Variants in PDE3B observed in about 807,000 individuals in gnomAD.
The protein encoded by PDE3B is cGMP-inhibited 3',5'-cyclic phosphodiesterase 3B.
PDE3B carries 66 observed loss-of-function variants against 116.8 expected under a neutral mutation model. The observed-to-expected ratio is 0.56, with a 90% CI of 0.46 to 0.69. The LOEUF is 0.69. Ranked by LOEUF, PDE3B falls within the 30% of genes least tolerant of loss-of-function variation. The probability of loss-of-function intolerance (pLI) is 0.00; values close to 1 mark genes in which losing one functional copy is unlikely to be tolerated. For synonymous variants in PDE3B, 595 were observed against 533.6 expected, an observed-to-expected ratio of 1.12 and a Z score of -1.59; for missense variants, 1,384 against 1,368.1, an observed-to-expected ratio of 1.01 and a Z score of -0.18.
chr11:14,657,379 G>A (rs1433097337), intron 1 of PDE3B, among the ~76,000 whole-genome samples: 1 of 152,148 alleles, frequency 6.6e-6, no homozygotes, highest in Non-Finnish European at 1.5e-5. Context: ...GTCAGTATTA[G>A]TCACTTTACT....
chr11:14,743,235 C>A (rs1856817201), intron 1 of PDE3B, among the ~76,000 whole-genome samples: 1 of 152,148 alleles, frequency 6.6e-6, no homozygotes, highest in Admixed American at 6.5e-5. Context: ...GGGGCTGCTG[C>A]CTTTATTTCA....
intron 1 of PDE3B, among the ~76,000 whole-genome samples, chr11:14,767,123 T>G (rs1479315026): frequency 6.6e-6 from 1 of 151,616 alleles, no homozygotes; most frequent in Non-Finnish European, 1.5e-5. Flanking sequence ...TTGTCTCTTT[T>G]AGGAACAAAA....
chr11:14,820,613 G>T (rs1404104275), intron 7 of PDE3B, among the ~76,000 whole-genome samples: 1 of 152,182 alleles, frequency 6.6e-6, no homozygotes, highest in Non-Finnish European at 1.5e-5. Flanking sequence ...AAAAATTCAT[G>T]TGTCGAAATC....
intron 1 of PDE3B, among the ~76,000 whole-genome samples, chr11:14,764,106 G>A (rs1857431541): frequency 6.6e-6 from 1 of 152,112 alleles, no homozygotes; most frequent in Non-Finnish European, 1.5e-5. Context: ...TGGGGCTGAA[G>A]AGGCAAGAGT....
intron 1 of PDE3B, among the ~76,000 whole-genome samples, chr11:14,647,506 TAAG>T (rs1853443467): frequency 1.3e-5 from 2 of 152,032 alleles, no homozygotes; most frequent in African/African-American, 4.8e-5. Flanking sequence ...TAAAATAAAA[TAAG>T]ATGTCACAAA....
the PDE3B span, among the ~76,000 whole-genome samples, chr11:14,883,059 C>A: frequency 2.0e-3 from 301 of 152,294 alleles, 1 homozygote; most frequent in African/African-American, 6.9e-3. Context: ...GAAGAACATT[C>A]CATGCTCATG....
chr11:14,857,145 C>T (rs1555006308), intron 12 of PDE3B, among the ~76,000 whole-genome samples: 1 of 152,046 alleles, frequency 6.6e-6, no homozygotes, highest in East Asian at 1.9e-4. Context: ...TTTGTTTTGC[C>T]AAAGTATTGA....
intron 1 of PDE3B, among the ~76,000 whole-genome samples, chr11:14,749,068 T>C (rs1856988837): frequency 6.6e-6 from 1 of 152,116 alleles, no homozygotes; most frequent in East Asian, 1.9e-4. Flanking sequence ...TTTGTCTTTT[T>C]AGTAGATTCG....
At chr11:14,760,941 A>G (rs984704980) in intron 1 of PDE3B, among the ~76,000 whole-genome samples, 4 of 152,246 alleles carry the variant, frequency 2.6e-5, no homozygotes, top group African/African-American at 9.6e-5. Context: ...TCTTCTCTCT[A>G]GCTATTTTGA....
intron 1 of PDE3B, among the ~76,000 whole-genome samples, chr11:14,665,412 A>G (rs528289737): frequency 4.7e-4 from 71 of 152,272 alleles, no homozygotes; most frequent in Non-Finnish European, 6.9e-4. Flanking sequence ...TGGAAGTTCT[A>G]GCCAGGGCAA....
chr11:14,672,636 A>G (rs1371704131), intron 1 of PDE3B, among the ~76,000 whole-genome samples: 1 of 152,172 alleles, frequency 6.6e-6, no homozygotes, highest in African/African-American at 2.4e-5. Context: ...TGGGTCTTTC[A>G]CGGGCTCCTT....
intron 1 of PDE3B, among the ~76,000 whole-genome samples, chr11:14,735,391 G>A (rs1365310522): frequency 6.6e-6 from 1 of 152,288 alleles, no homozygotes; most frequent in African/African-American, 2.4e-5. Flanking sequence ...GGACAATAGT[G>A]AAGAGGAATA....
intron 1 of PDE3B, among the ~76,000 whole-genome samples, chr11:14,714,238 A>ATG (rs1387021419): frequency 6.6e-6 from 1 of 151,914 alleles, no homozygotes; most frequent in Non-Finnish European, 1.5e-5. Context: ...ATGTGTATAT[A>ATG]TATGTGTGTG....
At chr11:14,686,395 T>C (rs1854874114) in intron 1 of PDE3B, among the ~76,000 whole-genome samples, 1 of 152,226 alleles carries the variant, frequency 6.6e-6, no homozygotes, top group South Asian at 2.1e-4. Context: ...GTGCTTAAAC[T>C]ATACTTTAAA....
At chr11:14,849,325 C>CA (rs1190322541) in intron 12 of PDE3B, among the ~76,000 whole-genome samples, 1 of 151,700 alleles carries the variant, frequency 6.6e-6, no homozygotes, top group Non-Finnish European at 1.5e-5. Context: ...ACACCTTATA[C>CA]AAAAATTAAT....
At chr11:14,816,455 C>T (rs949135992) in intron 5 of PDE3B, among the ~76,000 whole-genome samples, 9 of 152,184 alleles carry the variant, frequency 5.9e-5, no homozygotes, top group Non-Finnish European at 1.2e-4. Context: ...AATCTGCCTG[C>T]ATCTTTCCAG....
chr11:14,751,305 A>G (rs992382905), intron 1 of PDE3B, among the ~76,000 whole-genome samples: 12 of 152,160 alleles, frequency 7.9e-5, no homozygotes, highest in Admixed American at 5.2e-4. Context: ...GGAGGTTCCA[A>G]TGATTATTAC....
rs192136892 is a variant in PDE3B, at chr11:14,663,542, A to G, written c.978+18489A>G. ...AAAAACCTGTCTCACGTGCAGAGAC[A>G]CACATAGGCTCAAAATAAAAGGAAG... On this transcript the variant is annotated intron_variant, in intron 1 of 15. Coordinates refer to ENST00000282096, the MANE Select transcript of PDE3B (RefSeq NM_000922.4). 5.9e-5 allele frequency among the ~76,000 whole-genome samples: 9 copies of G among 152,082 alleles called. No homozygotes were observed. The East Asian group carries it at 1.7e-3, about 29-fold the overall frequency.
At chr11:14,805,953 C>T (rs531845947) in intron 5 of PDE3B, among the ~76,000 whole-genome samples, 37 of 152,260 alleles carry the variant, frequency 2.4e-4, no homozygotes, top group African/African-American at 7.5e-4. Flanking sequence ...TAATATCTCA[C>T]GCCAGTTAGA....
Sources: allele counts gnomAD v4.1 joint callset (sites outside exome capture counted in the v4.1 genomes callset), GRCh38; gene constraint gnomAD v4.1.1; transcripts MANE v1.5; gene names NCBI Gene and HGNC (gene_info 2026-07-23, HGNC 2026-07-21).